The following ATP10B variants were observed in gnomAD, a reference collection of about 807,000 sequenced individuals.
ATP10B encodes the protein phospholipid-transporting ATPase VB.
In ATP10B, 122 loss-of-function variants were observed where a neutral mutation model predicts 141.2. The ratio of observed to expected loss-of-function variants is 0.86; its 90% CI spans 0.75 to 1.00. ATP10B has a LOEUF of 1.00. Ranked by LOEUF, ATP10B falls within the 50% of genes least tolerant of loss-of-function variation. The pLI, the probability that ATP10B is intolerant of heterozygous loss-of-function variation, is 0.00. For missense variants in ATP10B, 1,876 were observed against 1,825.3 expected, an observed-to-expected ratio of 1.03 and a Z score of -0.51; for synonymous variants, 685 against 692.0, an observed-to-expected ratio of 0.99 and a Z score of 0.16.
At chr5:160,642,348 C>A (rs780550362) in intron 9 of ATP10B, among the ~76,000 whole-genome samples, 3 of 152,176 alleles carry the variant, frequency 2.0e-5, no homozygotes, top group Admixed American at 6.5e-5. Flanking sequence ...CTACATTGGA[C>A]CTCTTTCTTC....
At chr5:160,703,701 G>A (rs183081035) in intron 3 of ATP10B, among the ~76,000 whole-genome samples, 5 of 152,232 alleles carry the variant, frequency 3.3e-5, no homozygotes, top group African/African-American at 1.2e-4. Context: ...CTGACCTCAG[G>A]TGATCCATCA....
intron 7 of ATP10B, among the ~76,000 whole-genome samples, chr5:160,662,408 A>G (rs1185111727): frequency 1.3e-5 from 2 of 152,240 alleles, no homozygotes; most frequent in Admixed American, 6.5e-5. Flanking sequence ...CTACAAGGCT[A>G]CAGTAACCAA....
intron 7 of ATP10B, among the ~76,000 whole-genome samples, chr5:160,662,301 A>C (rs537217324): frequency 0.014 from 2,149 of 152,304 alleles, 56 homozygotes; most frequent in African/African-American, 0.049. Context: ...ACTACTTTCA[A>C]GTTCATATGG....
chr5:160,893,937 C>G, the ATP10B span, among the ~76,000 whole-genome samples: 2 of 152,154 alleles, frequency 1.3e-5, no homozygotes, highest in African/African-American at 4.8e-5. Flanking sequence ...CTCCAGCAGA[C>G]CTGCAGCAGA....
intron 13 of ATP10B, among the ~76,000 whole-genome samples, chr5:160,627,516 G>A (rs1057091654): frequency 2.0e-5 from 3 of 152,198 alleles, no homozygotes; most frequent in Admixed American, 2.0e-4. Context: ...TCTGTTTGTT[G>A]TTGGTGAGTG....
At chr5:160,926,242 T>C in the ATP10B span, among the ~76,000 whole-genome samples, 6 of 152,210 alleles carry the variant, frequency 3.9e-5, no homozygotes, top group African/African-American at 1.4e-4. Flanking sequence ...ATTGCTATTA[T>C]CTCTATCGTG....
In ATP10B at chr5:160,687,906, G is replaced by C; in HGVS notation, c.169C>G (p.Gln57Glu). The C allele has an allele frequency of 6.2e-7, 1 of 1,614,124 alleles. No homozygotes were observed. The highest frequency in any genetic ancestry group is 8.5e-7 in the Non-Finnish European group (1 of 1,180,010). Residue 57 changes from glutamine (Q) to glutamate (E), a missense_variant, in exon 5 of 26, where the codon CAA becomes GAA. Transcript: ENST00000327245. ...CTCCTGGAGACCTCTTCCCAATCTT[G>C]ATGGAATATGCTGTTGTTGGGGAAC... ...VVFPNNSIFH[Q>E]DWEEVSRRYP...
the ATP10B span, among the ~76,000 whole-genome samples, chr5:160,885,616 G>C: frequency 6.6e-6 from 1 of 152,158 alleles, no homozygotes; most frequent in Non-Finnish European, 1.5e-5. Context: ...GAATTAATGA[G>C]AGAGAAAAAA....
chr5:160,694,756 A>G (rs1764268306), intron 3 of ATP10B, among the ~76,000 whole-genome samples: 1 of 152,244 alleles, frequency 6.6e-6, no homozygotes. Flanking sequence ...TTTATATACC[A>G]GGTGAGTAAA....
the ATP10B span, among the ~76,000 whole-genome samples, chr5:160,882,682 A>G: frequency 3.3e-5 from 5 of 152,190 alleles, no homozygotes; most frequent in African/African-American, 1.2e-4. Context: ...AGGAAATGTC[A>G]TAAAATTTGT....
intron 24 of ATP10B, among the ~76,000 whole-genome samples, chr5:160,573,449 AGAG>A (rs1755001423): frequency 6.6e-6 from 1 of 152,224 alleles, no homozygotes; most frequent in Non-Finnish European, 1.5e-5. Context: ...ACTTTAAAGA[AGAG>A]GGGTCCCCAG....
intron 2 of ATP10B, among the ~76,000 whole-genome samples, chr5:160,783,781 C>T (rs1469322261): frequency 2.6e-5 from 4 of 151,926 alleles, no homozygotes; most frequent in Non-Finnish European, 5.9e-5. Context: ...AATGGTAGTT[C>T]TACTTTTAGT....
chr5:160,588,757 A>G (rs1288010831), intron 24 of ATP10B, among the ~76,000 whole-genome samples: 1 of 152,214 alleles, frequency 6.6e-6, no homozygotes, highest in African/African-American at 2.4e-5. Flanking sequence ...AATCATGTAG[A>G]GAGACACTTG....
At position 160,610,866 on chromosome 5, in the gene ATP10B, C is replaced by T. The variant is rs891857187; in HGVS notation, c.2838+1875G>A. Among the ~76,000 whole-genome samples the T allele has an allele frequency of 2.0e-4, 30 of 152,206 alleles. 1 individual carries two copies. Among genetic ancestry groups the T allele is most frequent in the Non-Finnish European group, 3.1e-4 (21 of 68,002 alleles). The stretch of plus-strand genomic sequence containing the variant: ...ATTAGTTAGTAATTCTCTCATCTTC[C>T]GGATGAGAATTCTGAGGTCTAGGTC... On this transcript the variant is annotated intron_variant, in intron 18 of 25. Transcript: ENST00000327245.
intron 1 of ATP10B, among the ~76,000 whole-genome samples, chr5:160,831,242 G>C (rs998535324): frequency 2.6e-4 from 39 of 151,970 alleles, no homozygotes; most frequent in Non-Finnish European, 2.9e-5. Flanking sequence ...TAGCACAGTG[G>C]CTGGCATATA....
intron 2 of ATP10B, among the ~76,000 whole-genome samples, chr5:160,769,653 A>C (rs1769735165): frequency 6.6e-6 from 1 of 152,226 alleles, no homozygotes; most frequent in South Asian, 2.1e-4. Flanking sequence ...TAGTTGTAGC[A>C]GCAAATGTCT....
chr5:160,922,451 A>T, the ATP10B span, among the ~76,000 whole-genome samples: 1 of 152,208 alleles, frequency 6.6e-6, no homozygotes, highest in Admixed American at 6.5e-5. Context: ...AAAAGGAAGT[A>T]AAGAATGGAG....
chr5:160,893,517 G>T, the ATP10B span, among the ~76,000 whole-genome samples: 11 of 152,156 alleles, frequency 7.2e-5, no homozygotes, highest in Admixed American at 2.6e-4. Flanking sequence ...TCTGGGCAGG[G>T]CATCTCTGAA....
intron 1 of ATP10B, among the ~76,000 whole-genome samples, chr5:160,820,817 A>G (rs1475145723): frequency 2.6e-5 from 4 of 152,186 alleles, no homozygotes. Flanking sequence ...TTGATGCTGA[A>G]AAAGCATTTG....
Sources: allele counts gnomAD v4.1 joint callset (sites outside exome capture counted in the v4.1 genomes callset), GRCh38; gene constraint gnomAD v4.1.1; transcripts MANE v1.5; gene names NCBI Gene and HGNC (gene_info 2026-07-23, HGNC 2026-07-21).